Variants in ELAPOR2 observed in about 807,000 individuals in gnomAD.
The protein encoded by ELAPOR2 is endosome/lysosome-associated apoptosis and autophagy regulator family member 2.
A neutral mutation model predicts 120.7 loss-of-function variants in ELAPOR2; 89 were observed. The observed-to-expected ratio is 0.74, with a 90% CI of 0.62 to 0.88. ELAPOR2 has a LOEUF of 0.88. Ranked by LOEUF, ELAPOR2 falls within the 40% of genes least tolerant of loss-of-function variation. The probability of loss-of-function intolerance (pLI) is 0.00; values close to 1 mark genes in which losing one functional copy is unlikely to be tolerated. For missense variants in ELAPOR2, 1,134 were observed against 1,251.6 expected, an observed-to-expected ratio of 0.91 and a Z score of 1.42; for synonymous variants, 444 against 444.9, an observed-to-expected ratio of 1.00 and a Z score of 0.03.
At chr7:86,895,665 G>A (rs1012831362) in intron 19 of ELAPOR2, among the ~76,000 whole-genome samples, 1 of 152,028 alleles carries the variant, frequency 6.6e-6, no homozygotes, top group Non-Finnish European at 1.5e-5. Flanking sequence ...AAGAGAGTTT[G>A]AATGAAATAA....
At chr7:86,924,861 A>G (rs1789995434) in intron 10 of ELAPOR2, among the ~76,000 whole-genome samples, 1 of 152,024 alleles carries the variant, frequency 6.6e-6, no homozygotes, top group African/African-American at 2.4e-5. Flanking sequence ...AATGCCAGTG[A>G]GGTTATAAGT....
At chr7:86,895,765 A>G (rs961595218) in intron 19 of ELAPOR2, among the ~76,000 whole-genome samples, 8 of 152,110 alleles carry the variant, frequency 5.3e-5, no homozygotes, top group Non-Finnish European at 1.2e-4. Flanking sequence ...GTTTGGATAA[A>G]AGATCATTCA....
At chr7:87,058,043 T>C (rs1030750193) in intron 1 of ELAPOR2, among the ~76,000 whole-genome samples, 12 of 152,180 alleles carry the variant, frequency 7.9e-5, no homozygotes, top group African/African-American at 2.9e-4. Context: ...GCCCTAAAAT[T>C]AAACACAGCT....
At chr7:87,032,286 GATGA>G (rs754658437) in intron 1 of ELAPOR2, among the ~76,000 whole-genome samples, 2 of 152,124 alleles carry the variant, frequency 1.3e-5, no homozygotes, top group African/African-American at 2.4e-5. Flanking sequence ...GCTTATGAAT[GATGA>G]ATGAACTAAT....
intron 21 of ELAPOR2, among the ~76,000 whole-genome samples, chr7:86,881,609 G>A (rs1396130139): frequency 6.6e-6 from 1 of 152,034 alleles, no homozygotes; most frequent in Non-Finnish European, 1.5e-5. Flanking sequence ...GCCCACCTCG[G>A]CCTCCCAAAG....
At chr7:86,997,200 T>C (rs1793154736) in intron 1 of ELAPOR2, among the ~76,000 whole-genome samples, 2 of 152,174 alleles carry the variant, frequency 1.3e-5, no homozygotes, top group Admixed American at 1.3e-4. Flanking sequence ...AAAGTTGTTA[T>C]CAAACGAAAG....
In ELAPOR2 at chr7:86,983,072, G is replaced by A. The variant is rs151061552; in HGVS notation, c.190-18048C>T. ...CTTCATTAGCCAATTCGATCAAGTG[G>A]AAGAAAGGGTATCAGTGATTGCAGA... On this transcript the variant is annotated intron_variant, in intron 1 of 21. Transcript: ENST00000450689. Among the ~76,000 whole-genome samples, 184 of 152,312 alleles carry A rather than the reference G, an allele frequency of 1.2e-3. 4 individuals are homozygous for A. The East Asian group carries it at 0.033, about 27-fold the overall frequency.
At chr7:87,025,395 A>G (rs1438378476) in intron 1 of ELAPOR2, among the ~76,000 whole-genome samples, 3 of 152,158 alleles carry the variant, frequency 2.0e-5, no homozygotes, top group South Asian at 4.1e-4. Flanking sequence ...GAAGAAATAA[A>G]GTCATAAAAT....
chr7:86,879,069 CCTCT>C lies in ELAPOR2; in HGVS notation c.*1398_*1401del, dbSNP rs1209248644. ...ATCATTTCCCTACATATATGCCCTG[CCTCT>C]CTCAGCCAATCACAACTATTTTTTT... is the stretch of plus-strand genomic sequence containing the variant. On this transcript the variant is annotated 3_prime_UTR_variant, in exon 22 of 22. Transcript: ENST00000450689. 1.3e-5 allele frequency: 2 copies of C among 152,102 alleles called. No individual in the cohort carries two copies. Among genetic ancestry groups the C allele is most frequent in the Non-Finnish European group, 2.9e-5 (2 of 68,018 alleles). 9.4% of individuals were successfully genotyped at this position (152,102 alleles called of 1,614,324 possible).
At chr7:86,950,866 A>G (rs555557424) in intron 2 of ELAPOR2, among the ~76,000 whole-genome samples, 94 of 152,324 alleles carry the variant, frequency 6.2e-4, no homozygotes, top group African/African-American at 2.2e-3. Context: ...TCCTGTGACC[A>G]TACTGAGAAA....
intron 1 of ELAPOR2, among the ~76,000 whole-genome samples, chr7:86,998,563 T>C (rs555611035): frequency 6.6e-6 from 1 of 152,284 alleles, no homozygotes; most frequent in South Asian, 2.1e-4. Flanking sequence ...GGTTGCTCCA[T>C]ACATTGAGGA....
chr7:87,004,768 C>A (rs575945512), intron 1 of ELAPOR2, among the ~76,000 whole-genome samples: 1 of 152,094 alleles, frequency 6.6e-6, no homozygotes, highest in Non-Finnish European at 1.5e-5. Context: ...GACATATTAA[C>A]GGAGAAGGAG....
At chr7:86,897,690 C>A (rs1412912022) in intron 18 of ELAPOR2, 58 bp from the exon 19 acceptor site, 103 of 1,596,204 alleles carry the variant, frequency 6.5e-5, no homozygotes, top group Non-Finnish European at 8.0e-5. Context: ...CCCATTCAAT[C>A]CACTCTAATC....
At chr7:86,965,721 C>A (rs1346468126) in intron 1 of ELAPOR2, 1 of 667,166 alleles carries the variant, frequency 1.5e-6, no homozygotes, top group Non-Finnish European at 1.9e-6. Context: ...GATATTTAAA[C>A]TGAGAAGAAC....
chr7:86,903,080 A>G (rs992009153), intron 18 of ELAPOR2, among the ~76,000 whole-genome samples: 1 of 152,210 alleles, frequency 6.6e-6, no homozygotes, highest in Non-Finnish European at 1.5e-5. Context: ...CAAAACCGAG[A>G]CAAACTAAAT....
chr7:87,036,591 AC>A (rs1293255064), intron 1 of ELAPOR2, among the ~76,000 whole-genome samples: 1 of 152,254 alleles, frequency 6.6e-6, no homozygotes, highest in African/African-American at 2.4e-5. Context: ...CCCATGGAAT[AC>A]TATAGAGCCA....
intron 1 of ELAPOR2, among the ~76,000 whole-genome samples, chr7:87,006,324 G>A (rs549612908): frequency 1.3e-5 from 2 of 150,596 alleles, no homozygotes; most frequent in South Asian, 2.1e-4. Context: ...AAATCGCGAT[G>A]AGGCACCACT....
chr7:86,895,094 A>T (rs1317624198), intron 19 of ELAPOR2, among the ~76,000 whole-genome samples: 13 of 152,126 alleles, frequency 8.5e-5, no homozygotes, highest in Admixed American at 8.5e-4. Flanking sequence ...CGGAAATAGG[A>T]CTGAAACACA....
intron 2 of ELAPOR2, among the ~76,000 whole-genome samples, chr7:86,955,102 A>C (rs768590169): frequency 7.9e-5 from 12 of 152,098 alleles, no homozygotes; most frequent in Non-Finnish European, 1.3e-4. Flanking sequence ...AATGGCATCT[A>C]AGAGAGACTG....
Sources: allele counts gnomAD v4.1 joint callset (sites outside exome capture counted in the v4.1 genomes callset), GRCh38; gene constraint gnomAD v4.1.1; transcripts MANE v1.5; gene names NCBI Gene and HGNC (gene_info 2026-07-23, HGNC 2026-07-21).